CIPC: variants seen among roughly 807,000 people sequenced by gnomAD.
CIPC encodes CLOCK interacting pacemaker, also known as CLOCK-interacting pacemaker.
Under a neutral mutation model 26.7 loss-of-function variants are expected in CIPC, and 12 were observed. The observed-to-expected ratio is 0.45, with a 90% CI of 0.29 to 0.73. The LOEUF (loss-of-function observed/expected upper bound fraction) is 0.73, where lower values mean the gene tolerates loss of function less well. CIPC is among the 30% of genes least tolerant of loss of function. The probability of loss-of-function intolerance (pLI) is 0.12; values close to 1 mark genes in which losing one functional copy is unlikely to be tolerated. For missense variants in CIPC, 417 were observed against 486.5 expected (o/e 0.86, Z 1.34); for synonymous variants, 170 against 189.8 (o/e 0.90, Z 0.86).
In CIPC at chr14:77,115,211, T is replaced by C. The variant is rs1886787177; in HGVS notation, c.*893T>C. ...AGGATAGTTTCAGTGGTTCCTGGGA[T>C]GTAGTATAAGTTAACTCTGCTGCCA... On this transcript the variant is annotated 3_prime_UTR_variant, in exon 4 of 4. Coordinates refer to ENST00000361786, the MANE Select transcript of CIPC (RefSeq NM_033426.3). The C allele has an allele frequency of 6.6e-6, 1 of 151,464 alleles. No homozygotes were observed. Among genetic ancestry groups the C allele is most frequent in the Non-Finnish European group, 1.5e-5 (1 of 67,952 alleles). 9.4% of individuals were successfully genotyped at this position (151,464 alleles called of 1,614,324 possible). A position where few individuals can be genotyped will look rare whatever the true frequency, so the allele number is the denominator to read the frequency against.
chr14:77,113,848 C>G lies in CIPC; in HGVS notation c.730C>G (p.Gln244Glu). 1 of 1,614,156 alleles carries G rather than the reference C, an allele frequency of 6.2e-7. No individual in the cohort carries two copies. The highest frequency in any genetic ancestry group is 1.1e-5 in the South Asian group (1 of 91,086). ...LVAGGSPQTL[Q>E]PVSSSHVAKA... is the part of the protein sequence containing the mutation. ...GGCAGGTGGAAGTCCACAGACTCTTCAGCCGGTATCCAGCAGTCACGTGGC... is the reference window on the plus strand; with the variant it reads ...GGCAGGTGGAAGTCCACAGACTCTTGAGCCGGTATCCAGCAGTCACGTGGC... The change falls in exon 4 of 4, where the codon CAG (glutamine) becomes GAG (glutamate). Residue 244 changes from glutamine to glutamate, a missense_variant. By Grantham distance (29) the Gln-to-Glu change is conservative. Coordinates refer to ENST00000361786, the MANE Select transcript of CIPC (RefSeq NM_033426.3).
intron 2 of CIPC, 119 bp from the exon 3 acceptor site, chr14:77,109,693 T>G: frequency 1.2e-6 from 1 of 860,336 alleles, no homozygotes; most frequent in Non-Finnish European, 1.7e-6. Flanking sequence ...TCAATAAAAT[T>G]CACAAAAACA....
At chr14:77,107,656 A>T (rs55677317) in intron 2 of CIPC, among the ~76,000 whole-genome samples, 24,663 of 126,832 alleles carry the variant, frequency 0.19, 2,421 homozygotes, top group Non-Finnish European at 0.27. Flanking sequence ...ACACACACAC[A>T]CACTCTCTCT....
rs184129771 is a variant in CIPC at position 77,114,526 on chromosome 14, C to T, written c.*208C>T. ...ACATATGTCCCCGTCCCACTGAGGACCTCAGTTTGGGAGTGCCCTTGAGCC... is the reference window on the plus strand; with the variant it reads ...ACATATGTCCCCGTCCCACTGAGGATCTCAGTTTGGGAGTGCCCTTGAGCC... On this transcript the variant is annotated 3_prime_UTR_variant, in exon 4 of 4. Transcript: ENST00000361786. 5 of 554,926 alleles carry T rather than the reference C, an allele frequency of 9.0e-6. No individual in the cohort carries two copies. The highest frequency in any genetic ancestry group is 6.6e-5 in the Admixed American group (2 of 30,376). The allele number at this position is 554,926 out of a possible 1,614,324, so 34.4% of individuals were successfully genotyped here.
At chr14:77,104,179 T>C (rs1051740266) in intron 1 of CIPC, among the ~76,000 whole-genome samples, 8 of 152,170 alleles carry the variant, frequency 5.3e-5, no homozygotes, top group African/African-American at 1.9e-4. Flanking sequence ...TGTTTGAGCC[T>C]AAGAGTTCAC....
intron 1 of CIPC, among the ~76,000 whole-genome samples, chr14:77,100,200 T>C (rs573795193): frequency 6.6e-6 from 1 of 152,058 alleles, no homozygotes; most frequent in South Asian, 2.1e-4. Context: ...TTTGTCCCCT[T>C]ATATAAACTT....
At chr14:77,106,450 A>T (rs376707920) in intron 2 of CIPC, among the ~76,000 whole-genome samples, 6 of 152,142 alleles carry the variant, frequency 3.9e-5, no homozygotes, top group African/African-American at 1.4e-4. Flanking sequence ...CTTAAACCTT[A>T]CCCAAAAGGG....
At position 77,115,438 on chromosome 14, in the gene CIPC, T is replaced by G. The variant is rs974397637; in HGVS notation, c.*1120T>G. The G allele has an allele frequency of 6.6e-6, 1 of 152,212 alleles. No homozygotes were observed. Among genetic ancestry groups the G allele is most frequent in the Non-Finnish European group, 1.5e-5 (1 of 68,040 alleles). 9.4% of individuals were successfully genotyped at this position (152,212 alleles called of 1,614,324 possible). On this transcript the variant is annotated 3_prime_UTR_variant, in exon 4 of 4. Coordinates refer to ENST00000361786, the MANE Select transcript of CIPC (RefSeq NM_033426.3). ...GTTACAGAGCAGCGTCTTCTGTGTT[T>G]CCTTCATGTGTTAGATATTGGCAAC...
rs147179239 is a variant in CIPC at position 77,105,727 on chromosome 14, T to C, written c.19T>C (p.Ser7Pro). The C allele has an allele frequency of 1.9e-6, 3 of 1,613,890 alleles. No homozygotes were observed. The highest frequency in any genetic ancestry group is 2.5e-6 in the Non-Finnish European group (3 of 1,179,956). MERKNPSRESPRRLSAK... is the reference protein window; with the variant it reads MERKNPPRESPRRLSAK... ...ATAAACCATGGAGAGGAAAAACCCA[T>C]CCAGAGAGAGCCCCAGAAGACTCTC... Residue 7 changes from serine (S) to proline (P), a missense_variant, in exon 2 of 4, where the codon TCC (serine) becomes CCC (proline). Transcript: ENST00000361786.
At chr14:77,112,311 C>T (rs1427061781) in intron 3 of CIPC, among the ~76,000 whole-genome samples, 8 of 152,056 alleles carry the variant, frequency 5.3e-5, no homozygotes, top group Non-Finnish European at 4.4e-5. Context: ...TATTAGATTT[C>T]GTCTGAATCA....
intron 2 of CIPC, 59 bp downstream of exon 2, chr14:77,105,903 C>T: frequency 1.3e-6 from 2 of 1,598,250 alleles, no homozygotes; most frequent in South Asian, 2.2e-5. Context: ...TGAAAAATTT[C>T]CTCCCCAAAA....
chr14:77,108,480 T>C (rs1886634554), intron 2 of CIPC, among the ~76,000 whole-genome samples: 2 of 152,042 alleles, frequency 1.3e-5, no homozygotes, highest in South Asian at 4.1e-4. Context: ...TTACCTGAGG[T>C]CAGGAATTCG....
chr14:77,108,287 T>C (rs1174098738), intron 2 of CIPC, among the ~76,000 whole-genome samples: 2 of 152,240 alleles, frequency 1.3e-5, no homozygotes, highest in African/African-American at 4.8e-5. Flanking sequence ...ATAAGTAATT[T>C]ATGGGATAAT....
Position 77,114,422 on chromosome 14 carries a change from TAA to T in CIPC, c.*106_*107del, listed in dbSNP as rs1886768471. ...ATGTAAGAGCTTTTCCTTCTAAACTTAAACTGTGTTGTGGTTCACTTAGGAAG... is the reference window on the plus strand; with the variant it reads ...ATGTAAGAGCTTTTCCTTCTAAACTTACTGTGTTGTGGTTCACTTAGGAAG... On this transcript the variant is annotated 3_prime_UTR_variant, in exon 4 of 4. Transcript: ENST00000361786. The T allele has an allele frequency of 7.9e-7, 1 of 1,269,652 alleles. No homozygotes were observed. Among genetic ancestry groups the T allele is most frequent in the Non-Finnish European group, 1.1e-6 (1 of 913,250 alleles). The allele number at this position is 1,269,652 out of a possible 1,614,324, so 78.6% of individuals were successfully genotyped here.
chr14:77,104,581 C>T (rs887471162), intron 1 of CIPC, among the ~76,000 whole-genome samples: 4 of 151,962 alleles, frequency 2.6e-5, no homozygotes, highest in African/African-American at 9.7e-5. Context: ...GTGCTCTGGC[C>T]TCCCTGGCCT....
At position 77,117,089 on chromosome 14, in the gene CIPC, T is replaced by C. The variant is rs969483475; in HGVS notation, c.*2771T>C. 3.3e-5 allele frequency: 5 copies of C among 152,620 alleles called. No homozygotes were observed. Among genetic ancestry groups the C allele is most frequent in the African/African-American group, 1.2e-4 (5 of 41,454 alleles). 9.5% of individuals were successfully genotyped at this position (152,620 alleles called of 1,614,324 possible). On this transcript the variant is annotated 3_prime_UTR_variant, in exon 4 of 4. Coordinates refer to ENST00000361786, the MANE Select transcript of CIPC (RefSeq NM_033426.3). ...TTGGTTTTTATTGATTATAGTATTG[T>C]CTGACTTTTTATTTTCTACTATGGT...
chr14:77,115,344 G>A lies in CIPC; in HGVS notation c.*1026G>A, dbSNP rs965413665. On this transcript the variant is annotated 3_prime_UTR_variant, in exon 4 of 4. Coordinates refer to ENST00000361786, the MANE Select transcript of CIPC (RefSeq NM_033426.3). ...GGTATGATAAGTCCACAAAAAATTGGAAAGCATCTTACCCATTTTCTTCAC... is the reference window on the plus strand; with the variant it reads ...GGTATGATAAGTCCACAAAAAATTGAAAAGCATCTTACCCATTTTCTTCAC... 5.3e-5 allele frequency: 8 copies of A among 151,830 alleles called. No homozygotes were observed. The highest frequency in any genetic ancestry group is 1.9e-4 in the African/African-American group (8 of 41,306). 9.4% of individuals were successfully genotyped at this position (151,830 alleles called of 1,614,324 possible).
rs771733033 is a variant in CIPC, at chr14:77,109,789, T to C, written c.137-23T>C. On this transcript the variant is annotated intron_variant, in intron 2 of 3. Coordinates refer to ENST00000361786, the MANE Select transcript of CIPC (RefSeq NM_033426.3). Reference sequence around the variant, plus strand: ...GCCCCTAGTCTAGAGCCTGAGTGAGTTGACCATTCTTCTGCCCACCAGATG... The same window carrying C: ...GCCCCTAGTCTAGAGCCTGAGTGAGCTGACCATTCTTCTGCCCACCAGATG... 49 of 1,599,752 alleles carry C rather than the reference T, an allele frequency of 3.1e-5. No individual in the cohort carries two copies. In the African/African-American group the frequency reaches 5.1e-4, roughly 17 times the overall value.
At chr14:77,105,511 A>T in intron 1 of CIPC, 146 bp from the exon 2 acceptor site, 1 of 505,130 alleles carries the variant, frequency 2.0e-6, no homozygotes, top group Non-Finnish European at 3.5e-6. Context: ...TGTTTAGTAA[A>T]CTTGAAGCTT....
Sources: gnomAD v4.1 joint callset for allele counts (sites outside exome capture counted in the v4.1 genomes callset) on GRCh38, gnomAD v4.1.1 for gene constraint, MANE v1.5 for transcripts, NCBI Gene and HGNC (gene_info 2026-07-23, HGNC 2026-07-21) for gene names.